Variants in IPO11 observed in about 807,000 individuals in gnomAD.
IPO11 encodes importin-11.
A neutral mutation model predicts 143.2 loss-of-function variants in IPO11; 66 were observed. That is an observed-to-expected ratio of 0.46 (90% CI 0.38 to 0.57). The LOEUF (loss-of-function observed/expected upper bound fraction) is 0.57. Among genes scored for constraint, IPO11 ranks in the 20% least tolerant of loss-of-function variants. IPO11 has a pLI of 0.00. For synonymous variants in IPO11, 385 were observed against 377.8 expected, an observed-to-expected ratio of 1.02 and a Z score of -0.22; for missense variants, 1,026 against 1,141.0, an observed-to-expected ratio of 0.90 and a Z score of 1.45.
At chr5:62,493,583 T>C (rs1280606083) in intron 15 of IPO11, among the ~76,000 whole-genome samples, 3 of 152,140 alleles carry the variant, frequency 2.0e-5, no homozygotes, top group Non-Finnish European at 4.4e-5. Context: ...TTTTTTTTTT[T>C]TTTGACAGAG....
intron 19 of IPO11, among the ~76,000 whole-genome samples, chr5:62,508,937 C>T (rs756881498): frequency 5.9e-5 from 9 of 152,044 alleles, no homozygotes; most frequent in Non-Finnish European, 8.8e-5. Flanking sequence ...ACATATACAC[C>T]GTGGAATACT....
intron 4 of IPO11, among the ~76,000 whole-genome samples, chr5:62,450,588 T>A (rs1311733212): frequency 6.6e-6 from 1 of 152,046 alleles, no homozygotes; most frequent in Non-Finnish European, 1.5e-5. Flanking sequence ...AAGTGATACA[T>A]GGTTATATTT....
chr5:62,596,064 GCCCTGGCAACATAGTGAGA>G (rs1201026839), intron 28 of IPO11, among the ~76,000 whole-genome samples: 1 of 148,778 alleles, frequency 6.7e-6, no homozygotes, highest in African/African-American at 2.5e-5. Flanking sequence ...TTGGAGACCA[GCCCTGGCAACATAGTGAGA>G]CCCTGTCTCT....
At chr5:62,559,718 A>G (rs1580324632) in intron 26 of IPO11, among the ~76,000 whole-genome samples, 1 of 151,884 alleles carries the variant, frequency 6.6e-6, no homozygotes, top group Admixed American at 6.6e-5. Context: ...GGAGTTTGAT[A>G]CCAACCTGGC....
intron 4 of IPO11, among the ~76,000 whole-genome samples, chr5:62,450,928 A>G (rs1395550698): frequency 6.6e-6 from 1 of 152,182 alleles, no homozygotes; most frequent in East Asian, 1.9e-4. Context: ...TTTCTAATAC[A>G]ATTTTATTTT....
intron 16 of IPO11, among the ~76,000 whole-genome samples, chr5:62,502,413 C>T (rs1436698419): frequency 6.6e-6 from 1 of 152,082 alleles, no homozygotes; most frequent in East Asian, 1.9e-4. Context: ...TGGTAAGTAC[C>T]TCTTATTTCT....
At chr5:62,514,489 G>T (rs2112283402) in intron 19 of IPO11, among the ~76,000 whole-genome samples, 1 of 151,776 alleles carries the variant, frequency 6.6e-6, no homozygotes, top group South Asian at 2.1e-4. Flanking sequence ...GCACTTGGCA[G>T]GCTGAGGCAG....
intron 3 of IPO11, among the ~76,000 whole-genome samples, chr5:62,447,930 G>T (rs1454763445): frequency 9.2e-5 from 14 of 152,030 alleles, no homozygotes; most frequent in Admixed American, 9.2e-4. Flanking sequence ...GTCCAGGCTG[G>T]TATTGAACTC....
chr5:62,467,822 G>A (rs1177342152), intron 6 of IPO11, among the ~76,000 whole-genome samples: 3 of 152,120 alleles, frequency 2.0e-5, no homozygotes, highest in Non-Finnish European at 4.4e-5. Flanking sequence ...TGTTTATCTT[G>A]ATGAATGTAT....
At position 62,515,438 on chromosome 5, in the gene IPO11, G is replaced by A. The variant is rs560998393; in HGVS notation, c.1833G>A (p.Lys611=). 1.2e-6 allele frequency: 2 copies of A among 1,611,412 alleles called. No homozygotes were observed. Among genetic ancestry groups the A allele is most frequent in the Admixed American group, 1.7e-5 (1 of 59,488 alleles). Residue 611 remains lysine, a synonymous_variant, in exon 20 of 30, where the codon AAG becomes AAA. Coordinates refer to ENST00000325324, the MANE Select transcript of IPO11 (RefSeq NM_016338.5). The part of the protein sequence containing the change: ...CLVQYLPLLW[K]QSEEHNMLRC... Reference sequence around the variant, plus strand: ...TACAATATTTGCCCCTCCTTTGGAAGCAGAGTGAAGAACACAATATGTTGA... The same window carrying A: ...TACAATATTTGCCCCTCCTTTGGAAACAGAGTGAAGAACACAATATGTTGA...
intron 9 of IPO11, among the ~76,000 whole-genome samples, 165 bp downstream of exon 9, chr5:62,476,918 G>A (rs1045469437): frequency 5.9e-5 from 9 of 152,116 alleles, no homozygotes; most frequent in Non-Finnish European, 1.2e-4. Flanking sequence ...ACTTTAGAAT[G>A]CATATAATAA....
intron 17 of IPO11, 22 bp from the exon 18 acceptor site, chr5:62,504,836 G>T: frequency 6.6e-7 from 1 of 1,505,824 alleles, no homozygotes; most frequent in South Asian, 1.2e-5. Flanking sequence ...TATATTCTCA[G>T]TATTCCTTAA....
At chr5:62,494,961 G>A (rs149452341) in intron 16 of IPO11, among the ~76,000 whole-genome samples, 1 of 151,848 alleles carries the variant, frequency 6.6e-6, no homozygotes, top group Non-Finnish European at 1.5e-5. Context: ...GTTTTTGCCT[G>A]TCAGCAGAGG....
chr5:62,610,017 T>C (rs1218587914), intron 29 of IPO11, among the ~76,000 whole-genome samples: 1 of 152,176 alleles, frequency 6.6e-6, no homozygotes, highest in Non-Finnish European at 1.5e-5. Context: ...ACTGCCTAGC[T>C]CTCAGGAGGG....
In IPO11 at chr5:62,441,837, G is replaced by A. The variant is rs1744492903; in HGVS notation, c.139-1146G>A. ...CGGCCGCTTTATATCTCTTAAAAATGTTCTGCTATCAAACTTTTTTTTTTT... is the reference window on the plus strand; with the variant it reads ...CGGCCGCTTTATATCTCTTAAAAATATTCTGCTATCAAACTTTTTTTTTTT... On this transcript the variant is annotated intron_variant, in intron 2 of 29. Transcript: ENST00000325324. 4.0e-5 allele frequency among the ~76,000 whole-genome samples: 6 copies of A among 149,530 alleles called. No homozygotes were observed. The South Asian group carries it at 1.3e-3, about 32-fold the overall frequency.
chr5:62,477,181 G>A (rs1745990076), intron 9 of IPO11, among the ~76,000 whole-genome samples: 1 of 152,100 alleles, frequency 6.6e-6, no homozygotes, highest in Non-Finnish European at 1.5e-5. Context: ...GGAATTATAG[G>A]GGGTGCGCTG....
chr5:62,624,387 G>A (rs556634532), intron 29 of IPO11, among the ~76,000 whole-genome samples: 210 of 152,216 alleles, frequency 1.4e-3, no homozygotes, highest in Non-Finnish European at 1.8e-3. Flanking sequence ...TACCCTATAC[G>A]TTACCCTACA....
chr5:62,430,680 A>ATT (rs112091773), intron 1 of IPO11, among the ~76,000 whole-genome samples: 13 of 140,792 alleles, frequency 9.2e-5, no homozygotes, highest in African/African-American at 1.3e-4. Context: ...TAATTACTTA[A>ATT]TTTTTTTTTT....
rs771502873 is a variant in IPO11 at position 62,601,760 on chromosome 5, A to G, written c.2679-4A>G. 8 of 1,503,104 alleles carry G rather than the reference A, an allele frequency of 5.3e-6. No homozygotes were observed. The highest frequency in any genetic ancestry group is 2.7e-5 in the South Asian group (2 of 73,754). 93.1% of individuals were successfully genotyped at this position (1,503,104 alleles called of 1,614,324 possible). On this transcript the variant is annotated splice_region_variant and splice_polypyrimidine_tract_variant and intron_variant, in intron 28 of 29. Transcript: ENST00000325324. ...AAAACATGTTTTTTAAAAAATTATT[A>G]TAGCTGTATGTTGATGTCTCATCTT...
Sources: gnomAD v4.1 joint callset for allele counts (sites outside exome capture counted in the v4.1 genomes callset) on GRCh38, gnomAD v4.1.1 for gene constraint, MANE v1.5 for transcripts, NCBI Gene and HGNC (gene_info 2026-07-23, HGNC 2026-07-21) for gene names.